The following STK32A variants were observed in gnomAD, a reference collection of about 807,000 sequenced individuals.
The protein encoded by STK32A is serine/threonine-protein kinase 32A.
Under a neutral mutation model 53.2 loss-of-function variants are expected in STK32A, and 41 were observed. The ratio of observed to expected loss-of-function variants is 0.77; its 90% CI spans 0.60 to 1.00. STK32A has a LOEUF of 1.00. Among genes scored for constraint, STK32A ranks in the 50% least tolerant of loss-of-function variants. The pLI, the probability that STK32A is intolerant of heterozygous loss-of-function variation, is 0.00. For missense variants in STK32A, 458 were observed against 485.8 expected, an observed-to-expected ratio of 0.94 and a Z score of 0.54; for synonymous variants, 166 against 162.8, an observed-to-expected ratio of 1.02 and a Z score of -0.15.
At chr5:147,268,254 G>T (rs1361161461) in intron 2 of STK32A, among the ~76,000 whole-genome samples, 3 of 152,074 alleles carry the variant, frequency 2.0e-5, no homozygotes, top group African/African-American at 7.2e-5. Context: ...ATCCAATGCA[G>T]AGATAAATTA....
chr5:147,399,303 A>G, the STK32A span: 4 of 1,562,022 alleles, frequency 2.6e-6, no homozygotes, highest in Non-Finnish European at 1.7e-6. Context: ...ATATATATCA[A>G]TTCAGGGCTT....
chr5:147,380,982 G>A (rs1358103903), intron 11 of STK32A, among the ~76,000 whole-genome samples: 1 of 152,126 alleles, frequency 6.6e-6, no homozygotes, highest in East Asian at 1.9e-4. Flanking sequence ...ATTGTCCGAT[G>A]TATTTACACG....
intron 4 of STK32A, among the ~76,000 whole-genome samples, chr5:147,280,020 T>C (rs1235924000): frequency 6.6e-6 from 1 of 152,148 alleles, no homozygotes; most frequent in Non-Finnish European, 1.5e-5. Context: ...GTCTGTTTGC[T>C]GGAGAAGTTT....
At chr5:147,319,868 C>G (rs1754213008) in intron 4 of STK32A, among the ~76,000 whole-genome samples, 1 of 152,038 alleles carries the variant, frequency 6.6e-6, no homozygotes, top group South Asian at 2.1e-4. Context: ...CAGAATGGAC[C>G]CTTGCTGGGG....
intron 8 of STK32A, among the ~76,000 whole-genome samples, chr5:147,366,913 T>C (rs757311992): frequency 3.9e-5 from 6 of 152,122 alleles, no homozygotes; most frequent in Non-Finnish European, 7.4e-5. Flanking sequence ...ATGTACAGCT[T>C]TCTAGATCAG....
At chr5:147,279,859 A>T (rs1234082549) in intron 4 of STK32A, among the ~76,000 whole-genome samples, 1 of 152,164 alleles carries the variant, frequency 6.6e-6, no homozygotes, top group Non-Finnish European at 1.5e-5. Context: ...CAAATCCAGC[A>T]CAATGGAGAG....
chr5:147,384,486 A>T lies in STK32A; in HGVS notation c.*503A>T. On this transcript the variant is annotated 3_prime_UTR_variant, in exon 13 of 13. Coordinates refer to ENST00000397936, the MANE Select transcript of STK32A (RefSeq NM_001112724.2). Reference sequence around the variant, plus strand: ...TTGGATAAAGATAAGGAATTCTATCAGGGAGGCATGAATGGAATCAGATTA... The same window carrying T: ...TTGGATAAAGATAAGGAATTCTATCTGGGAGGCATGAATGGAATCAGATTA... 1 of 1,428,118 alleles carries T rather than the reference A, an allele frequency of 7.0e-7. No individual in the cohort carries two copies. The highest frequency in any genetic ancestry group is 9.5e-7 in the Non-Finnish European group (1 of 1,052,466). 88.5% of individuals were successfully genotyped at this position (1,428,118 alleles called of 1,614,324 possible). A position where few individuals can be genotyped will look rare whatever the true frequency, so the allele number is the denominator to read the frequency against.
At chr5:147,250,858 C>T (rs796358897) in intron 2 of STK32A, among the ~76,000 whole-genome samples, 5 of 148,064 alleles carry the variant, frequency 3.4e-5, no homozygotes, top group African/African-American at 1.0e-4. Context: ...AGGAGAATGG[C>T]GTGAACCCGG....
intron 4 of STK32A, among the ~76,000 whole-genome samples, chr5:147,316,106 G>T (rs1051315304): frequency 6.6e-6 from 1 of 152,126 alleles, no homozygotes; most frequent in Non-Finnish European, 1.5e-5. Flanking sequence ...GGCATTGTTG[G>T]GGGTAATGTT....
chr5:147,236,940 A>G (rs1423351953), intron 1 of STK32A, among the ~76,000 whole-genome samples: 2 of 152,182 alleles, frequency 1.3e-5, no homozygotes, highest in African/African-American at 4.8e-5. Context: ...TGTGAAAACT[A>G]CATGTACTCA....
chr5:147,253,791 A>C (rs1010025785), intron 2 of STK32A, among the ~76,000 whole-genome samples: 1 of 152,234 alleles, frequency 6.6e-6, no homozygotes, highest in African/African-American at 2.4e-5. Context: ...GCACTACTGA[A>C]CATGCCAGAG....
chr5:147,336,224 A>G (rs1051990705), intron 5 of STK32A, among the ~76,000 whole-genome samples: 2 of 152,190 alleles, frequency 1.3e-5, no homozygotes, highest in African/African-American at 4.8e-5. Flanking sequence ...GCTCATGTTT[A>G]ATCAGCATAC....
intron 2 of STK32A, among the ~76,000 whole-genome samples, chr5:147,252,069 G>T (rs1754024081): frequency 1.3e-5 from 2 of 151,748 alleles, no homozygotes; most frequent in South Asian, 4.2e-4. Context: ...TGGGTATGGT[G>T]GCAGGAGATC....
At position 147,362,461 on chromosome 5, in the gene STK32A, C is replaced by T. The variant is rs565141302; in HGVS notation, c.660+847C>T. Among the ~76,000 whole-genome samples, 5 of 152,264 alleles carry T rather than the reference C, an allele frequency of 3.3e-5. No homozygotes were observed. In the South Asian group the frequency reaches 8.3e-4, roughly 25 times the overall value. On this transcript the variant is annotated intron_variant, in intron 8 of 12. Coordinates refer to ENST00000397936, the MANE Select transcript of STK32A (RefSeq NM_001112724.2). Reference sequence around the variant, plus strand: ...CTAATCCCATCACGAGGGACCTACCCCCATAAACTAACCTAACCCTTATTC... The same window carrying T: ...CTAATCCCATCACGAGGGACCTACCTCCATAAACTAACCTAACCCTTATTC...
chr5:147,394,982 G>A, the STK32A span, among the ~76,000 whole-genome samples: 7 of 152,152 alleles, frequency 4.6e-5, no homozygotes, highest in African/African-American at 1.7e-4. Flanking sequence ...TGGTTATGGA[G>A]CAACTGAATG....
At chr5:147,337,567 G>C (rs900479651) in intron 5 of STK32A, among the ~76,000 whole-genome samples, 3 of 152,082 alleles carry the variant, frequency 2.0e-5, no homozygotes, top group Non-Finnish European at 4.4e-5. Flanking sequence ...AAACCAGGGG[G>C]CTGGGATTCA....
intron 2 of STK32A, among the ~76,000 whole-genome samples, chr5:147,245,541 G>A (rs373334006): frequency 7.2e-5 from 11 of 152,190 alleles, no homozygotes; most frequent in African/African-American, 2.6e-4. Flanking sequence ...AATTTTTACA[G>A]GAGAGAGTGG....
At chr5:147,279,931 C>T (rs923816013) in intron 4 of STK32A, among the ~76,000 whole-genome samples, 5 of 152,148 alleles carry the variant, frequency 3.3e-5, no homozygotes, top group African/African-American at 1.2e-4. Flanking sequence ...TCCCCCAAAA[C>T]TGTGAGTACC....
At chr5:147,353,444 T>C (rs1756078440) in intron 7 of STK32A, among the ~76,000 whole-genome samples, 1 of 152,176 alleles carries the variant, frequency 6.6e-6, no homozygotes, top group South Asian at 2.1e-4. Flanking sequence ...GCACAGTTGC[T>C]GTCAAATGAC....
Sources: gnomAD v4.1 joint callset for allele counts (sites outside exome capture counted in the v4.1 genomes callset) on GRCh38, gnomAD v4.1.1 for gene constraint, MANE v1.5 for transcripts, NCBI Gene and HGNC (gene_info 2026-07-23, HGNC 2026-07-21) for gene names.